PALM2AKAP2: variants seen among roughly 807,000 people sequenced by gnomAD.
The protein encoded by PALM2AKAP2 is PALM2-AKAP2 fusion protein.
Under a neutral mutation model 71.5 loss-of-function variants are expected in PALM2AKAP2, and 37 were observed. The ratio of observed to expected loss-of-function variants is 0.52; its 90% CI spans 0.40 to 0.68. The LOEUF (loss-of-function observed/expected upper bound fraction) is 0.68, where lower values mean the gene tolerates loss of function less well. PALM2AKAP2 is among the 30% of genes least tolerant of loss of function. The probability of loss-of-function intolerance (pLI) is 0.00; values close to 1 mark genes in which losing one functional copy is unlikely to be tolerated. For missense variants in PALM2AKAP2, 1,224 were observed against 1,191.8 expected (o/e 1.03, Z -0.40); for synonymous variants, 468 against 478.8 (o/e 0.98, Z 0.29).
chr9:109,835,844 C>T (rs1828459716), intron 1 of PALM2AKAP2, among the ~76,000 whole-genome samples: 1 of 152,190 alleles, frequency 6.6e-6, no homozygotes, highest in Non-Finnish European at 1.5e-5. Context: ...GGGTGCCTGC[C>T]ATTGCTGAGG....
chr9:109,999,575 G>A (rs371483115), intron 6 of PALM2AKAP2, among the ~76,000 whole-genome samples: 2 of 152,036 alleles, frequency 1.3e-5, no homozygotes, highest in Non-Finnish European at 2.9e-5. Context: ...AGCTCCTGTC[G>A]CCCAAAACTT....
chr9:109,833,019 G>A (rs1828350003), intron 1 of PALM2AKAP2, among the ~76,000 whole-genome samples: 1 of 152,180 alleles, frequency 6.6e-6, no homozygotes, highest in African/African-American at 2.4e-5. Context: ...CTGTTGCCCA[G>A]CTAGTCCATC....
At chr9:109,716,004 G>T (rs534655235) in intron 1 of PALM2AKAP2, among the ~76,000 whole-genome samples, 2 of 152,306 alleles carry the variant, frequency 1.3e-5, no homozygotes, top group South Asian at 4.1e-4. Flanking sequence ...AGCATCTGCA[G>T]CTGGGAAATC....
At chr9:109,783,507 C>T (rs1195374996) in intron 1 of PALM2AKAP2, among the ~76,000 whole-genome samples, 1 of 152,060 alleles carries the variant, frequency 6.6e-6, no homozygotes, top group Admixed American at 6.6e-5. Context: ...CCATGTTGCC[C>T]AGGCTGGTCT....
At chr9:109,664,144 T>A (rs1827442049) in intron 1 of PALM2AKAP2, among the ~76,000 whole-genome samples, 1 of 152,322 alleles carries the variant, frequency 6.6e-6, no homozygotes, top group African/African-American at 2.4e-5. Context: ...CTTTCTCCAA[T>A]TTGCCAGTCT....
intron 1 of PALM2AKAP2, among the ~76,000 whole-genome samples, chr9:109,718,181 A>G (rs1828355272): frequency 6.6e-6 from 1 of 152,064 alleles, no homozygotes; most frequent in African/African-American, 2.4e-5. Context: ...CTCAGGCTCA[A>G]GTGATCCTCC....
rs1198538795 is a variant in PALM2AKAP2 at position 110,135,152 on chromosome 9, C to CAA, written c.157-963_157-962dup. On this transcript the variant is annotated intron_variant, in intron 1 of 3. Transcript: ENST00000374525. ...GAGACATGGAGGAACTCTGTCTCTA[C>CAA]AAAAAAAAAAAAATATATAAATATA... 3.8e-3 allele frequency among the ~76,000 whole-genome samples: 102 copies of CAA among 27,002 alleles called. 8 individuals carry two copies. The highest frequency in any genetic ancestry group is 0.012 in the African/African-American group (82 of 6,698). The allele number at this position is 27,002 out of a possible 152,430, so 17.7% of individuals were successfully genotyped here.
chr9:110,109,336 A>AT (rs3063924), intron 1 of PALM2AKAP2, among the ~76,000 whole-genome samples: 2 of 134,204 alleles, frequency 1.5e-5, no homozygotes, highest in Admixed American at 7.4e-5. Context: ...AAAAAAAAAA[A>AT]CCAGAAAGAA....
chr9:110,142,781 A>G (rs1836066168), intron 2 of PALM2AKAP2, among the ~76,000 whole-genome samples: 1 of 152,238 alleles, frequency 6.6e-6, no homozygotes, highest in South Asian at 2.1e-4. Context: ...TTAAAACAAA[A>G]CAGAAATAGA....
intron 3 of PALM2AKAP2, among the ~76,000 whole-genome samples, chr9:109,906,386 A>G (rs548276794): frequency 6.6e-6 from 1 of 152,134 alleles, no homozygotes; most frequent in Non-Finnish European, 1.5e-5. Flanking sequence ...TTCCGTAGAG[A>G]CGGGGTTTCA....
chr9:109,963,872 C>A (rs1004331626), intron 6 of PALM2AKAP2, among the ~76,000 whole-genome samples: 1 of 152,198 alleles, frequency 6.6e-6, no homozygotes, highest in African/African-American at 2.4e-5. Flanking sequence ...GTGGATGGAC[C>A]TTTGAGGTGC....
intron 1 of PALM2AKAP2, among the ~76,000 whole-genome samples, chr9:110,135,164 A>ATATATATATATATATATATAT (rs1554755279): frequency 1.9e-5 from 1 of 51,738 alleles, no homozygotes; most frequent in African/African-American, 7.4e-5. Context: ...AAAAAAAAAA[A>ATATATATATATATATATATAT]ATATATAAAT....
intron 7 of PALM2AKAP2, among the ~76,000 whole-genome samples, chr9:110,031,282 A>G (rs1435548807): frequency 6.6e-6 from 1 of 152,022 alleles, no homozygotes; most frequent in African/African-American, 2.4e-5. Context: ...GGTGTGCGCC[A>G]CCAGGCCTGG....
intron 3 of PALM2AKAP2, among the ~76,000 whole-genome samples, chr9:109,916,947 C>T (rs1285654181): frequency 6.6e-6 from 1 of 152,208 alleles, no homozygotes; most frequent in African/African-American, 2.4e-5. Flanking sequence ...GCCTCAGAAC[C>T]TGTGAATATG....
intron 7 of PALM2AKAP2, among the ~76,000 whole-genome samples, chr9:110,016,488 A>C (rs1167444511): frequency 6.6e-6 from 1 of 152,222 alleles, no homozygotes; most frequent in Non-Finnish European, 1.5e-5. Flanking sequence ...ATCTTGGCTC[A>C]AGATTTCCAC....
intron 1 of PALM2AKAP2, among the ~76,000 whole-genome samples, chr9:110,107,271 A>G (rs1458981666): frequency 6.6e-6 from 1 of 152,200 alleles, no homozygotes; most frequent in African/African-American, 2.4e-5. Flanking sequence ...AGAAATGGCA[A>G]ATGTTCAAGA....
chr9:110,040,406 G>A (rs2132456430), intron 7 of PALM2AKAP2, among the ~76,000 whole-genome samples: 1 of 152,218 alleles, frequency 6.6e-6, no homozygotes, highest in Non-Finnish European at 1.5e-5. Context: ...CATTTAATAT[G>A]TTCAGTATAC....
intron 1 of PALM2AKAP2, among the ~76,000 whole-genome samples, chr9:109,806,015 C>A (rs1006346728): frequency 2.0e-5 from 3 of 152,220 alleles, no homozygotes. Flanking sequence ...CAGCCATTAC[C>A]TGGGTCAGGC....
intron 3 of PALM2AKAP2, among the ~76,000 whole-genome samples, chr9:109,892,763 A>C (rs1830115618): frequency 2.0e-5 from 3 of 152,010 alleles, no homozygotes; most frequent in Non-Finnish European, 4.4e-5. Context: ...TCTCTACTTC[A>C]GTTTCTTCTT....
Sources: gnomAD v4.1 joint callset for allele counts (sites outside exome capture counted in the v4.1 genomes callset) on GRCh38, gnomAD v4.1.1 for gene constraint, MANE v1.5 for transcripts, NCBI Gene and HGNC (gene_info 2026-07-23, HGNC 2026-07-21) for gene names.